Variants in DCP2 observed in about 807,000 individuals in gnomAD.
DCP2 encodes decapping mRNA 2.
In DCP2, 30 loss-of-function variants were observed where a neutral mutation model predicts 56.1. The ratio of observed to expected loss-of-function variants is 0.53; its 90% CI spans 0.40 to 0.73. The LOEUF is 0.73. Among genes scored for constraint, DCP2 ranks in the 30% least tolerant of loss-of-function variants. The pLI is 0.00. For missense variants in DCP2, 533 were observed against 502.7 expected (o/e 1.06, Z -0.58); for synonymous variants, 197 against 163.3 (o/e 1.21, Z -1.57).
intron 7 of DCP2, among the ~76,000 whole-genome samples, chr5:113,001,940 G>A (rs1259303363): frequency 1.3e-5 from 2 of 151,792 alleles, no homozygotes; most frequent in African/African-American, 4.8e-5. Flanking sequence ...ACTAGGAAAG[G>A]AAAAAAAATC....
At position 113,021,677 on chromosome 5, in the gene DCP2, GTGACTAAGGTGT is replaced by G. The variant is rs1464441450; in HGVS notation, c.*8195_*8206del. Among the ~76,000 whole-genome samples, 1 of 148,048 alleles carries G rather than the reference GTGACTAAGGTGT, an allele frequency of 6.8e-6. No homozygotes were observed. The highest frequency in any genetic ancestry group is 1.5e-5 in the Non-Finnish European group (1 of 66,810). Reference sequence around the variant, plus strand: ...TTTATTTTAAATTCTCAAAAGGAGAGTGACTAAGGTGTTATACTTACTGTCAAAGTTACTTTG... The same window carrying G: ...TTTATTTTAAATTCTCAAAAGGAGAGTATACTTACTGTCAAAGTTACTTTG... On this transcript the variant is annotated 3_prime_UTR_variant, in exon 11 of 11. Coordinates refer to ENST00000389063, the MANE Select transcript of DCP2 (RefSeq NM_152624.6).
At chr5:112,994,267 G>A (rs762802600) in intron 4 of DCP2, among the ~76,000 whole-genome samples, 9 of 150,214 alleles carry the variant, frequency 6.0e-5, no homozygotes, top group Non-Finnish European at 1.3e-4. Context: ...GACCGCCTGG[G>A]CTCAAGCAAT....
intron 8 of DCP2, among the ~76,000 whole-genome samples, chr5:113,006,587 C>G (rs1477678004): frequency 6.6e-6 from 1 of 152,072 alleles, no homozygotes; most frequent in Non-Finnish European, 1.5e-5. Context: ...TTATTTTTCC[C>G]TATAGGTTGG....
intron 8 of DCP2, among the ~76,000 whole-genome samples, chr5:113,005,425 ATAAT>A (rs1252833239): frequency 6.6e-6 from 1 of 152,226 alleles, no homozygotes; most frequent in Non-Finnish European, 1.5e-5. Context: ...AACATTGTTA[ATAAT>A]TAGTGGTATC....
At chr5:113,008,897 G>T (rs146628101) in intron 9 of DCP2, among the ~76,000 whole-genome samples, 2 of 150,378 alleles carry the variant, frequency 1.3e-5, no homozygotes, top group African/African-American at 4.9e-5. Flanking sequence ...AAGCTGGATT[G>T]CAGTGGCACG....
rs1749866547 is a variant in DCP2, at chr5:113,015,877, G to A, written c.*2393G>A. ...TTTGAGAAATTTTAGTATGGTTTGA[G>A]GAAATCAAGTGATAAAGGAGTATGC... On this transcript the variant is annotated 3_prime_UTR_variant, in exon 11 of 11. Coordinates refer to ENST00000389063, the MANE Select transcript of DCP2 (RefSeq NM_152624.6). 1 of 152,600 alleles carries A rather than the reference G, an allele frequency of 6.6e-6. No homozygotes were observed. Among genetic ancestry groups the A allele is most frequent in the African/African-American group, 2.4e-5 (1 of 41,450 alleles). The allele number at this position is 152,600 out of a possible 1,614,324, so 9.5% of individuals were successfully genotyped here.
chr5:112,981,422 C>T (rs754299117), intron 1 of DCP2, among the ~76,000 whole-genome samples: 2 of 152,036 alleles, frequency 1.3e-5, no homozygotes, highest in Admixed American at 6.5e-5. Flanking sequence ...CCCATTCCCT[C>T]GGCTTCTATC....
chr5:113,020,311 C>T lies in DCP2; in HGVS notation c.*6827C>T, dbSNP rs775755270. On this transcript the variant is annotated 3_prime_UTR_variant, in exon 11 of 11. Coordinates refer to ENST00000389063, the MANE Select transcript of DCP2 (RefSeq NM_152624.6). Reference sequence around the variant, plus strand: ...AAATGATTCAACCTTTAATTTTTGCCTAGATTATAGCAATGTTTTGTTTTA... The same window carrying T: ...AAATGATTCAACCTTTAATTTTTGCTTAGATTATAGCAATGTTTTGTTTTA... 1 of 151,918 alleles carries T rather than the reference C, an allele frequency of 6.6e-6. No individual in the cohort carries two copies. 9.4% of individuals were successfully genotyped at this position (151,918 alleles called of 1,614,324 possible).
chr5:112,989,709 T>C (rs1748492629), intron 2 of DCP2, among the ~76,000 whole-genome samples: 1 of 152,218 alleles, frequency 6.6e-6, no homozygotes, highest in Non-Finnish European at 1.5e-5. Context: ...TATTCATTCA[T>C]TATTAACGTT....
intron 1 of DCP2, among the ~76,000 whole-genome samples, chr5:112,985,099 T>C (rs1026417252): frequency 6.6e-6 from 1 of 152,094 alleles, no homozygotes; most frequent in South Asian, 2.1e-4. Context: ...ATGCTTAACA[T>C]TGGAAAAAAT....
chr5:113,018,007 CCAGT>C lies in DCP2; in HGVS notation c.*4526_*4529del, dbSNP rs1749960872. ...CTTCCTGTACTGATACTGTAGAACTCCAGTCAAACTTCAGTGCACTGCTTTCTTA... is the reference window on the plus strand; with the variant it reads ...CTTCCTGTACTGATACTGTAGAACTCCAAACTTCAGTGCACTGCTTTCTTA... On this transcript the variant is annotated 3_prime_UTR_variant, in exon 11 of 11. Coordinates refer to ENST00000389063, the MANE Select transcript of DCP2 (RefSeq NM_152624.6). The C allele has an allele frequency of 1.3e-5, 2 of 152,154 alleles. No homozygotes were observed. The highest frequency in any genetic ancestry group is 4.1e-4 in the South Asian group (2 of 4,826). 9.4% of individuals were successfully genotyped at this position (152,154 alleles called of 1,614,324 possible).
intron 1 of DCP2, among the ~76,000 whole-genome samples, chr5:112,981,252 C>A (rs1045428293): frequency 2.4e-4 from 36 of 152,082 alleles, no homozygotes; most frequent in African/African-American, 8.7e-4. Context: ...TCAAGCAATC[C>A]TCCTGCCTCA....
intron 8 of DCP2, among the ~76,000 whole-genome samples, chr5:113,005,260 A>T (rs1040832602): frequency 1.3e-5 from 2 of 152,128 alleles, no homozygotes; most frequent in Non-Finnish European, 2.9e-5. Context: ...GATATTTGCA[A>T]ATTATATATA....
rs1202332448 is a variant in DCP2 at position 113,018,439 on chromosome 5, TAAAA to T, written c.*4956_*4959del. 1 of 152,224 alleles carries T rather than the reference TAAAA, an allele frequency of 6.6e-6. No individual in the cohort carries two copies. Among genetic ancestry groups the T allele is most frequent in the Non-Finnish European group, 1.5e-5 (1 of 68,034 alleles). 9.4% of individuals were successfully genotyped at this position (152,224 alleles called of 1,614,324 possible). The stretch of plus-strand genomic sequence containing the variant: ...ATGTTAGCAGCTTGAAGGCACAACG[TAAAA>T]GGAATGAGCTTTCACAAGGTGCTTA... On this transcript the variant is annotated 3_prime_UTR_variant, in exon 11 of 11. Coordinates refer to ENST00000389063, the MANE Select transcript of DCP2 (RefSeq NM_152624.6).
intron 1 of DCP2, among the ~76,000 whole-genome samples, chr5:112,977,414 G>C (rs1259097159): frequency 1.3e-5 from 2 of 152,154 alleles, no homozygotes; most frequent in Non-Finnish European, 2.9e-5. Context: ...CCCCAGGGTA[G>C]TAATTTAAGG....
intron 4 of DCP2, among the ~76,000 whole-genome samples, chr5:112,997,695 A>C (rs888510536): frequency 1.3e-5 from 2 of 151,342 alleles, no homozygotes; most frequent in Non-Finnish European, 2.9e-5. Flanking sequence ...CTGCACCCCA[A>C]CCTCCGCCTC....
chr5:112,993,292 A>G (rs1463245616), intron 4 of DCP2, among the ~76,000 whole-genome samples: 2 of 152,110 alleles, frequency 1.3e-5, no homozygotes, highest in African/African-American at 4.8e-5. Context: ...AGTCAAAACA[A>G]TTTATTTTCT....
chr5:112,990,675 C>G (rs957512548), intron 2 of DCP2, among the ~76,000 whole-genome samples: 26 of 152,092 alleles, frequency 1.7e-4, no homozygotes, highest in Non-Finnish European at 3.2e-4. Flanking sequence ...CTCCTGGGCT[C>G]AAGCATTCCT....
At chr5:113,000,075 A>G (rs1333764562) in intron 4 of DCP2, among the ~76,000 whole-genome samples, 1 of 151,150 alleles carries the variant, frequency 6.6e-6, no homozygotes, top group Non-Finnish European at 1.5e-5. Context: ...AAAAAAAAAA[A>G]AAAAAAAGAA....
Sources: gnomAD v4.1 joint callset for allele counts (sites outside exome capture counted in the v4.1 genomes callset) on GRCh38, gnomAD v4.1.1 for gene constraint, MANE v1.5 for transcripts, NCBI Gene and HGNC (gene_info 2026-07-23, HGNC 2026-07-21) for gene names.